PDE7B: variants seen among roughly 807,000 people sequenced by gnomAD.
PDE7B encodes phosphodiesterase 7B, also known as 3',5'-cyclic-AMP phosphodiesterase 7B.
PDE7B carries 29 observed loss-of-function variants against 56.2 expected under a neutral mutation model. The observed-to-expected ratio is 0.52, with a 90% confidence interval of 0.38 to 0.70. PDE7B has a LOEUF of 0.70. Among genes scored for constraint, PDE7B ranks in the 30% least tolerant of loss-of-function variants. PDE7B has a pLI of 0.00. For missense variants in PDE7B, 490 were observed against 565.0 expected (o/e 0.87, Z 1.35); for synonymous variants, 197 against 196.9 (o/e 1.00, Z 0.00).
intron 2 of PDE7B, among the ~76,000 whole-genome samples, chr6:136,077,104 G>A: frequency 6.6e-6 from 1 of 151,896 alleles, no homozygotes; most frequent in African/African-American, 2.4e-5. Context: ...TGGGAGGTGG[G>A]GGTGGGAAGA....
chr6:135,851,963 G>A lies in PDE7B; in HGVS notation c.-36G>A, dbSNP rs200824454. 281 of 1,566,778 alleles carry A rather than the reference G, an allele frequency of 1.8e-4. 3 individuals are homozygous for A. The South Asian group carries it at 2.3e-3, about 13-fold the overall frequency. On this transcript the variant is annotated 5_prime_UTR_variant, in exon 1 of 13. Coordinates refer to ENST00000308191, the MANE Select transcript of PDE7B (RefSeq NM_018945.4). ...AAGCAGCACCGCTCAGAGATTTCAC[G>A]GCATTCAAAGGTCACAGAACTGCCA...
intron 1 of PDE7B, among the ~76,000 whole-genome samples, chr6:135,889,412 G>C (rs185814271): frequency 1.3e-5 from 2 of 150,860 alleles, no homozygotes; most frequent in African/African-American, 4.9e-5. Flanking sequence ...TTACAGGTGT[G>C]AGCCACCGCA....
chr6:135,923,077 A>T (rs1269594909), intron 1 of PDE7B, among the ~76,000 whole-genome samples: 3 of 152,204 alleles, frequency 2.0e-5, no homozygotes, highest in Non-Finnish European at 4.4e-5. Flanking sequence ...CTTTCAAGAG[A>T]TATCAATCCT....
Position 136,177,365 on chromosome 6 carries a change from A to T in PDE7B, c.804-1632A>T, listed in dbSNP as rs1038917532. Among the ~76,000 whole-genome samples the T allele has an allele frequency of 3.3e-5, 5 of 152,300 alleles. No individual in the cohort carries two copies. In the South Asian group the frequency reaches 8.3e-4, roughly 25 times the overall value. ...GACTTCATCAATAGACATCATAAAG[A>T]CAGCTAAAAGACAAACCACAGACAC... On this transcript the variant is annotated intron_variant, in intron 9 of 12. Coordinates refer to ENST00000308191, the MANE Select transcript of PDE7B (RefSeq NM_018945.4).
chr6:135,981,814 A>G (rs1015003054), intron 2 of PDE7B, among the ~76,000 whole-genome samples: 1 of 151,624 alleles, frequency 6.6e-6, no homozygotes, highest in Admixed American at 6.6e-5. Flanking sequence ...AAAGTATAAT[A>G]TGGTAAATAC....
chr6:136,157,163 A>AGTTCTTAG (rs1387576790), intron 8 of PDE7B, among the ~76,000 whole-genome samples: 6 of 152,222 alleles, frequency 3.9e-5, no homozygotes, highest in Non-Finnish European at 5.9e-5. Context: ...TGGTTTCCAG[A>AGTTCTTAG]GCCAAAGTGC....
At chr6:135,856,931 A>C (rs1440339265) in intron 1 of PDE7B, among the ~76,000 whole-genome samples, 1 of 152,028 alleles carries the variant, frequency 6.6e-6, no homozygotes, top group African/African-American at 2.4e-5. Flanking sequence ...TTTGTCATGC[A>C]TTTGAAGTTC....
At chr6:135,957,656 T>A (rs1774821016) in intron 2 of PDE7B, among the ~76,000 whole-genome samples, 1 of 152,292 alleles carries the variant, frequency 6.6e-6, no homozygotes, top group South Asian at 2.1e-4. Flanking sequence ...GTCTCTGATT[T>A]AATTTTCTAG....
intron 8 of PDE7B, among the ~76,000 whole-genome samples, chr6:136,173,404 A>G (rs111756851): frequency 0.027 from 4,112 of 152,276 alleles, 169 homozygotes; most frequent in African/African-American, 0.093. Flanking sequence ...CAATGGGGAA[A>G]GGATTCCCTA....
At chr6:135,920,927 A>C (rs1394079538) in intron 1 of PDE7B, among the ~76,000 whole-genome samples, 1 of 152,210 alleles carries the variant, frequency 6.6e-6, no homozygotes, top group Admixed American at 6.5e-5. Flanking sequence ...ATGTTCTGAT[A>C]AACAATGTGG....
rs62431263 is a variant in PDE7B, at chr6:136,123,211, G to A, written c.166+14397G>A. Among the ~76,000 whole-genome samples the A allele has an allele frequency of 4.4e-3, 671 of 152,168 alleles. 1 individual carries two copies. The highest frequency in any genetic ancestry group is 7.0e-3 in the Non-Finnish European group (479 of 67,986). On this transcript the variant is annotated intron_variant, in intron 3 of 12. Coordinates refer to ENST00000308191, the MANE Select transcript of PDE7B (RefSeq NM_018945.4). ...ACAAAAAATAAAAATAAAACAATTA[G>A]CTGGGTGTGTGATGACGCGTGCCTG...
chr6:135,877,375 T>TC (rs916084212), intron 1 of PDE7B, among the ~76,000 whole-genome samples: 2 of 129,458 alleles, frequency 1.5e-5, no homozygotes, highest in Non-Finnish European at 3.2e-5. Flanking sequence ...TTTTTTTTTT[T>TC]CACCTTAGAT....
chr6:136,095,133 T>TA (rs544591062), intron 2 of PDE7B, among the ~76,000 whole-genome samples: 495 of 152,254 alleles, frequency 3.3e-3, no homozygotes, highest in Non-Finnish European at 5.4e-3. Flanking sequence ...ATTCTACAAT[T>TA]AAAAAAATTA....
Position 136,154,164 on chromosome 6 carries a change from A to G in PDE7B, c.568A>G (p.Lys190Glu), listed in dbSNP as rs545940734. The change falls in exon 7 of 13, where the codon AAA (lysine) becomes GAA (glutamate). Residue 190 changes from lysine to glutamate, a missense_variant. Lys to Glu is a moderately conservative substitution (Grantham distance 56). Coordinates refer to ENST00000308191, the MANE Select transcript of PDE7B (RefSeq NM_018945.4). Reference protein sequence around the residue: ...DVTQAMHCYLKEPKLASFLTP... With the variant: ...DVTQAMHCYLEEPKLASFLTP... The stretch of plus-strand genomic sequence containing the variant: ...CACCCAGGCCATGCACTGCTACCTG[A>G]AAGAGCCAAAGGTAAGACAAGACCC... 2.5e-6 allele frequency: 4 copies of G among 1,611,222 alleles called. No individual in the cohort carries two copies. In the South Asian group the frequency reaches 4.4e-5, roughly 18 times the overall value.
chr6:135,944,595 C>T (rs1015170150), intron 1 of PDE7B, among the ~76,000 whole-genome samples: 1 of 152,158 alleles, frequency 6.6e-6, no homozygotes, highest in African/African-American at 2.4e-5. Flanking sequence ...GGCCACCACA[C>T]CTGTTCTTGC....
chr6:136,118,374 A>C (rs993353221), intron 3 of PDE7B, among the ~76,000 whole-genome samples: 3 of 152,256 alleles, frequency 2.0e-5, no homozygotes, highest in African/African-American at 7.2e-5. Context: ...TTTTCAAAAC[A>C]GCCTCAGGCA....
chr6:135,886,310 T>C (rs925223649), intron 1 of PDE7B, among the ~76,000 whole-genome samples: 1 of 152,096 alleles, frequency 6.6e-6, no homozygotes, highest in African/African-American at 2.4e-5. Context: ...TAACAACATG[T>C]TACAGCAATA....
chr6:136,155,858 G>A (rs867895833), intron 8 of PDE7B, 100 bp downstream of exon 8: 2 of 1,245,290 alleles, frequency 1.6e-6, no homozygotes, highest in Middle Eastern at 1.9e-4. Flanking sequence ...TTGTTTTAGG[G>A]TCCTAGAAGT....
chr6:135,993,685 GT>G (rs1775512585), intron 2 of PDE7B, among the ~76,000 whole-genome samples: 1 of 152,210 alleles, frequency 6.6e-6, no homozygotes, highest in African/African-American at 2.4e-5. Flanking sequence ...TTATTAAAGG[GT>G]TTATGGTTAA....
Sources: gnomAD v4.1 joint callset for allele counts (sites outside exome capture counted in the v4.1 genomes callset) on GRCh38, gnomAD v4.1.1 for gene constraint, MANE v1.5 for transcripts, NCBI Gene and HGNC (gene_info 2026-07-23, HGNC 2026-07-21) for gene names.